Variants in YWHAE observed in about 807,000 individuals in gnomAD.
The protein encoded by YWHAE is tyrosine 3-monooxygenase/tryptophan 5-monooxygenase activation protein epsilon.
In YWHAE, 4 loss-of-function variants were observed where a neutral mutation model predicts 30.1. That is an observed-to-expected ratio of 0.13 (90% CI 0.07 to 0.30). The LOEUF is 0.30. Ranked by LOEUF, YWHAE falls within the 10% of genes least tolerant of loss-of-function variation. YWHAE has a pLI of 1.00. For synonymous variants in YWHAE, 118 were observed against 111.8 expected, an observed-to-expected ratio of 1.06 and a Z score of -0.35; for missense variants, 121 against 315.9, an observed-to-expected ratio of 0.38 and a Z score of 4.68.
chr17:1,364,862 T>C lies in YWHAE; in HGVS notation c.261A>G (p.Gln87=). 1 of 1,613,988 alleles carries C rather than the reference T, an allele frequency of 6.2e-7. No individual in the cohort carries two copies. Among genetic ancestry groups the C allele is most frequent in the Non-Finnish European group, 8.5e-7 (1 of 1,179,864 alleles). The change falls in exon 2 of 6, where the codon CAA becomes CAG. Residue 87 remains glutamine (Q), a synonymous_variant. Transcript: ENST00000264335. ...DKLKMIREYR[Q]MVETELKLIC... Reference sequence around the variant, plus strand: ...GATGATGGCACAACAATCTCACCATTTGCCGATATTCCCGAATCATTTTTA... The same window carrying C: ...GATGATGGCACAACAATCTCACCATCTGCCGATATTCCCGAATCATTTTTA...
At chr17:1,352,223 G>A (rs1409770124) in intron 5 of YWHAE, 2 of 152,166 alleles carry the variant, frequency 1.3e-5, no homozygotes, top group Admixed American at 6.6e-5. Context: ...AAGTGTGTAA[G>A]TAAGTCCTAC....
At chr17:1,351,286 G>A (rs1465656637) in intron 5 of YWHAE, among the ~76,000 whole-genome samples, 1 of 151,722 alleles carries the variant, frequency 6.6e-6, no homozygotes, top group Non-Finnish European at 1.5e-5. Context: ...TCAGAGGCAG[G>A]AGAATCACTT....
At chr17:1,359,952 GA>G (rs2072835653) in intron 4 of YWHAE, among the ~76,000 whole-genome samples, 21 of 52,632 alleles carry the variant, frequency 4.0e-4, no homozygotes, top group Admixed American at 2.7e-4. Context: ...GAGGGGGGGA[GA>G]GAGGGGGAGA....
chr17:1,379,520 C>T (rs1019245142), intron 1 of YWHAE, among the ~76,000 whole-genome samples: 2 of 151,934 alleles, frequency 1.3e-5, no homozygotes, highest in Admixed American at 6.6e-5. Context: ...ACTTCTAATT[C>T]GAATGACGAA....
At chr17:1,366,464 G>A (rs994196131) in intron 1 of YWHAE, among the ~76,000 whole-genome samples, 1 of 152,080 alleles carries the variant, frequency 6.6e-6, no homozygotes, top group African/African-American at 2.4e-5. Context: ...CTTGAACCCA[G>A]GAGGCAGAGA....
intron 1 of YWHAE, among the ~76,000 whole-genome samples, chr17:1,380,940 T>C (rs2073197021): frequency 6.6e-6 from 1 of 152,234 alleles, no homozygotes. Flanking sequence ...ATTCCTGTAT[T>C]ATACAAGCTA....
intron 5 of YWHAE, among the ~76,000 whole-genome samples, chr17:1,347,407 G>A (rs553917453): frequency 8.6e-5 from 13 of 151,794 alleles, no homozygotes; most frequent in Non-Finnish European, 1.5e-4. Context: ...GGCTGAGGTG[G>A]GGGAGTTCTA....
chr17:1,353,763 CA>C lies in YWHAE; in HGVS notation c.715+447del, dbSNP rs201551828. Among the ~76,000 whole-genome samples the C allele has an allele frequency of 8.0e-3, 1,157 of 144,370 alleles. 9 individuals carry two copies. The highest frequency in any genetic ancestry group is 0.019 in the African/African-American group (769 of 39,848). 94.7% of individuals were successfully genotyped at this position (144,370 alleles called of 152,430 possible). On this transcript the variant is annotated intron_variant, in intron 5 of 5. Coordinates refer to ENST00000264335, the MANE Select transcript of YWHAE (RefSeq NM_006761.5). The stretch of plus-strand genomic sequence containing the variant: ...TGGGTGTCGCAGCAAGACTCCGTCT[CA>C]AAAAAAAAAAAAAGAGACCCAAGGG...
rs933371579 is a variant in YWHAE at position 1,400,182 on chromosome 17, C to G, written c.-72G>C. ...AGTGTCTCCGACTCTCTCAGCCTCT[C>G]GCTCCGCGTCCGGGCAGCAAAAATG... On this transcript the variant is annotated 5_prime_UTR_variant, in exon 1 of 6. Transcript: ENST00000264335. 6 of 1,580,630 alleles carry G rather than the reference C, an allele frequency of 3.8e-6. No individual in the cohort carries two copies. The highest frequency in any genetic ancestry group is 5.2e-6 in the Non-Finnish European group (6 of 1,152,004).
intron 5 of YWHAE, among the ~76,000 whole-genome samples, chr17:1,348,390 A>T (rs1484504169): frequency 6.6e-6 from 1 of 152,170 alleles, no homozygotes; most frequent in Non-Finnish European, 1.5e-5. Context: ...AAAAGCAATG[A>T]TCCCTCCCTT....
chr17:1,376,051 T>C (rs1294512455), intron 1 of YWHAE, among the ~76,000 whole-genome samples: 2 of 152,220 alleles, frequency 1.3e-5, no homozygotes, highest in African/African-American at 4.8e-5. Context: ...AATATCTCCA[T>C]ATACTGAAGA....
At chr17:1,354,883 C>T (rs966228557) in intron 4 of YWHAE, among the ~76,000 whole-genome samples, 3 of 147,986 alleles carry the variant, frequency 2.0e-5, no homozygotes, top group South Asian at 2.2e-4. Flanking sequence ...AGGATGGTCT[C>T]GATCTCCTGA....
Position 1,354,193 on chromosome 17 carries a change from C to A in YWHAE, c.715+18G>T. On this transcript the variant is annotated intron_variant, in intron 5 of 5. Coordinates refer to ENST00000264335, the MANE Select transcript of YWHAE (RefSeq NM_006761.5). ...CTGCAACTGAAAGAGGTGCCTGTTT[C>A]ACTCCGTGCTTGCTTACCGTCACCC... The A allele has an allele frequency of 1.2e-6, 2 of 1,608,690 alleles. No individual in the cohort carries two copies. Among genetic ancestry groups the A allele is most frequent in the East Asian group, 2.2e-5 (1 of 44,778 alleles).
Position 1,370,321 on chromosome 17 carries a change from C to T in YWHAE, c.65-5263G>A, listed in dbSNP as rs143363857. ...TTTTTGTGTGTATTTTTAGTAGAGG[C>T]GGGGTTTCACCATGTTAGCCAGGAC... On this transcript the variant is annotated intron_variant, in intron 1 of 5. Transcript: ENST00000264335. 9.2e-3 allele frequency among the ~76,000 whole-genome samples: 1,388 copies of T among 151,540 alleles called. 16 individuals carry two copies. The highest frequency in any genetic ancestry group is 0.044 in the East Asian group (227 of 5,114).
chr17:1,372,666 A>G (rs866525638), intron 1 of YWHAE, among the ~76,000 whole-genome samples: 22 of 152,218 alleles, frequency 1.4e-4, no homozygotes, highest in African/African-American at 5.3e-4. Flanking sequence ...AGAGACAGGG[A>G]GTCAGAACAC....
chr17:1,351,384 A>T lies in YWHAE; in HGVS notation c.715+2827T>A, dbSNP rs988637080. On this transcript the variant is annotated intron_variant, in intron 5 of 5. Coordinates refer to ENST00000264335, the MANE Select transcript of YWHAE (RefSeq NM_006761.5). ...CAAGAGCAAAACTCCATCTCAAAAA[A>T]AAAAAATAAAACACACACACAGAAA... Among the ~76,000 whole-genome samples the T allele has an allele frequency of 4.6e-5, 7 of 152,028 alleles. No individual in the cohort carries two copies. The East Asian group carries it at 7.7e-4, about 17-fold the overall frequency.
intron 1 of YWHAE, among the ~76,000 whole-genome samples, chr17:1,377,448 A>T (rs1454512669): frequency 6.6e-6 from 1 of 152,108 alleles, no homozygotes; most frequent in Non-Finnish European, 1.5e-5. Flanking sequence ...GCACTGACAT[A>T]AAAAGGTTCT....
chr17:1,396,382 C>T (rs1446595744), intron 1 of YWHAE, among the ~76,000 whole-genome samples: 1 of 151,682 alleles, frequency 6.6e-6, no homozygotes, highest in Non-Finnish European at 1.5e-5. Flanking sequence ...CGAGATTGTG[C>T]CACTTCAATA....
intron 5 of YWHAE, among the ~76,000 whole-genome samples, chr17:1,346,850 G>T (rs923481914): frequency 6.6e-6 from 1 of 151,404 alleles, no homozygotes; most frequent in Non-Finnish European, 1.5e-5. Flanking sequence ...AATTAGCCTG[G>T]CGTGGTGGCA....
Sources: allele counts gnomAD v4.1 joint callset (sites outside exome capture counted in the v4.1 genomes callset), GRCh38; gene constraint gnomAD v4.1.1; transcripts MANE v1.5; gene names NCBI Gene and HGNC (gene_info 2026-07-23, HGNC 2026-07-21).